Variants in IL1RAPL2 observed in about 807,000 individuals in gnomAD.
The protein encoded by IL1RAPL2 is X-linked interleukin-1 receptor accessory protein-like 2.
Under a neutral mutation model 44.1 loss-of-function variants are expected in IL1RAPL2, and 3 were observed. The observed-to-expected ratio is 0.07, with a 90% confidence interval of 0.03 to 0.18. The LOEUF is 0.18. Among genes scored for constraint, IL1RAPL2 ranks in the 10% least tolerant of loss-of-function variants. IL1RAPL2 has a pLI of 1.00. For missense variants in IL1RAPL2, 391 were observed against 496.4 expected (o/e 0.79, Z 2.02); for synonymous variants, 181 against 178.8 (o/e 1.01, Z -0.10).
chrX:105,005,729 T>C (rs184220701), intron 2 of IL1RAPL2, among the ~76,000 whole-genome samples: 1 of 110,831 alleles, frequency 9.0e-6, no homozygotes, highest in African/African-American at 3.3e-5. Flanking sequence ...TAAAGAATAG[T>C]CAATATCTAG....
chrX:104,916,679 C>T (rs754731610), intron 2 of IL1RAPL2, among the ~76,000 whole-genome samples: 1 of 111,418 alleles, frequency 9.0e-6, no homozygotes, highest in Non-Finnish European at 1.9e-5. Flanking sequence ...AGTTTTTGCC[C>T]ATTCAGTATG....
chrX:105,634,369 A>G, intron 6 of IL1RAPL2, among the ~76,000 whole-genome samples: 1 of 111,444 alleles, frequency 9.0e-6, no homozygotes, highest in Non-Finnish European at 1.9e-5. Context: ...CACACAAAGA[A>G]ATGCCAGAAT....
intron 2 of IL1RAPL2, among the ~76,000 whole-genome samples, chrX:104,763,136 A>G (rs1474889224): frequency 3.6e-5 from 4 of 111,608 alleles, no homozygotes; most frequent in Non-Finnish European, 5.6e-5. Context: ...CTTCCACCAG[A>G]TACCCTAAAT....
chrX:104,999,604 G>A (rs1374985525), intron 2 of IL1RAPL2, among the ~76,000 whole-genome samples: 1 of 111,504 alleles, frequency 9.0e-6, no homozygotes, highest in Non-Finnish European at 1.9e-5. Flanking sequence ...CTTTATTTAG[G>A]TTGCCTGATA....
intron 5 of IL1RAPL2, among the ~76,000 whole-genome samples, chrX:105,334,316 G>T (rs967364108): frequency 5.4e-5 from 6 of 111,448 alleles, no homozygotes; most frequent in African/African-American, 2.0e-4. Context: ...AATCAAAACA[G>T]TTGAATTCAT....
chrX:104,749,761 GC>G (rs1046557767), intron 2 of IL1RAPL2, among the ~76,000 whole-genome samples: 1 of 111,627 alleles, frequency 9.0e-6, no homozygotes, highest in Non-Finnish European at 1.9e-5. Context: ...AGTAGTTCCT[GC>G]CTTTGATGAG....
rs1355263853 is a variant in IL1RAPL2, at chrX:105,253,631, G to T, written c.544-13757G>T. On this transcript the variant is annotated intron_variant, in intron 4 of 10. Transcript: ENST00000372582. Reference sequence around the variant, plus strand: ...ACATAGGTAAACACGTGTCACAGGGGTTTGTTTTACAGATTATTTCATCAC... The same window carrying T: ...ACATAGGTAAACACGTGTCACAGGGTTTTGTTTTACAGATTATTTCATCAC... Among the ~76,000 whole-genome samples the T allele has an allele frequency of 2.7e-5, 3 of 111,163 alleles. No homozygotes were observed. The Admixed American group carries it at 2.9e-4, about 11-fold the overall frequency.
chrX:105,230,773 A>C (rs781951752), intron 3 of IL1RAPL2, among the ~76,000 whole-genome samples: 5 of 111,305 alleles, frequency 4.5e-5, no homozygotes, highest in Non-Finnish European at 9.4e-5. Flanking sequence ...TCTTATCCTC[A>C]TGTTTCAGGT....
intron 6 of IL1RAPL2, among the ~76,000 whole-genome samples, chrX:105,653,978 AAC>A (rs767662311): frequency 1.6e-4 from 17 of 109,621 alleles, no homozygotes; most frequent in African/African-American, 4.0e-4. Context: ...CACACACACA[AAC>A]ACACACACAC....
intron 4 of IL1RAPL2, among the ~76,000 whole-genome samples, chrX:105,253,937 A>C (rs959369297): frequency 3.6e-5 from 4 of 111,625 alleles, no homozygotes; most frequent in African/African-American, 6.5e-5. Context: ...CATTTTCTTT[A>C]TCCAATCTGT....
chrX:104,918,077 G>A (rs997596060), intron 2 of IL1RAPL2, among the ~76,000 whole-genome samples: 1 of 112,248 alleles, frequency 8.9e-6, no homozygotes, highest in Non-Finnish European at 1.9e-5. Flanking sequence ...TAGGAAATTA[G>A]CAAGTTAGGC....
chrX:105,377,370 CTGTG>C (rs750610467), intron 5 of IL1RAPL2, among the ~76,000 whole-genome samples: 32 of 99,132 alleles, frequency 3.2e-4, no homozygotes, highest in East Asian at 2.5e-3. Flanking sequence ...GTGTGTGTGT[CTGTG>C]TGTGTGTGTG....
At chrX:104,752,224 G>T (rs1932270675) in intron 2 of IL1RAPL2, among the ~76,000 whole-genome samples, 2 of 110,023 alleles carry the variant, frequency 1.8e-5, no homozygotes, top group African/African-American at 6.6e-5. Flanking sequence ...AGGCACTGGA[G>T]TTGCTTACCA....
At chrX:104,841,102 T>G (rs1921890799) in intron 2 of IL1RAPL2, among the ~76,000 whole-genome samples, 1 of 112,014 alleles carries the variant, frequency 8.9e-6, no homozygotes, top group Admixed American at 9.5e-5. Context: ...TTAGGATAGT[T>G]AGCTCTTTTT....
Position 105,074,832 on chromosome X carries a change from G to T in IL1RAPL2, c.83-120643G>T, listed in dbSNP as rs779095858. ...TGAGTGGGAGTTCACTCATGATTTGGCTCTCTGTTTGTCTGTTATTGGTGT... is the reference window on the plus strand; with the variant it reads ...TGAGTGGGAGTTCACTCATGATTTGTCTCTCTGTTTGTCTGTTATTGGTGT... On this transcript the variant is annotated intron_variant, in intron 2 of 10. Transcript: ENST00000372582. Among the ~76,000 whole-genome samples the T allele has an allele frequency of 1.6e-4, 18 of 109,143 alleles. No homozygotes were observed. The East Asian group carries it at 4.4e-3, about 26-fold the overall frequency. 94.8% of individuals were successfully genotyped at this position (109,143 alleles called of 115,157 possible). A position where few individuals can be genotyped will look rare whatever the true frequency, so the allele number is the denominator to read the frequency against.
intron 5 of IL1RAPL2, among the ~76,000 whole-genome samples, chrX:105,375,452 A>G (rs1377721026): frequency 1.8e-5 from 2 of 111,827 alleles, no homozygotes; most frequent in African/African-American, 6.5e-5. Context: ...CGGAGGTTGC[A>G]GTGAGCCGAG....
At chrX:104,909,306 A>G (rs1041050766) in intron 2 of IL1RAPL2, among the ~76,000 whole-genome samples, 1 of 111,699 alleles carries the variant, frequency 9.0e-6, no homozygotes, top group African/African-American at 3.3e-5. Flanking sequence ...CCCGTAGCTC[A>G]GAGTAATTTG....
intron 2 of IL1RAPL2, among the ~76,000 whole-genome samples, chrX:104,994,824 A>G (rs1186009208): frequency 3.6e-5 from 4 of 111,163 alleles, no homozygotes; most frequent in African/African-American, 1.3e-4. Flanking sequence ...GGGAAGACGC[A>G]GAGTTTTTCA....
chrX:105,191,265 G>T (rs948988617), intron 2 of IL1RAPL2, among the ~76,000 whole-genome samples: 15 of 112,602 alleles, frequency 1.3e-4, no homozygotes, highest in Non-Finnish European at 2.8e-4. Flanking sequence ...GCCCAGGCTG[G>T]AGTGCAATGG....
Sources: allele counts gnomAD v4.1 joint callset (sites outside exome capture counted in the v4.1 genomes callset), GRCh38; gene constraint gnomAD v4.1.1; transcripts MANE v1.5; gene names NCBI Gene and HGNC (gene_info 2026-07-23, HGNC 2026-07-21).